Variants in GPATCH2 observed in about 807,000 individuals in gnomAD.
GPATCH2 encodes the protein G patch domain-containing protein 2.
GPATCH2 carries 51 observed loss-of-function variants against 58.0 expected under a neutral mutation model. The observed-to-expected ratio is 0.88, with a 90% CI of 0.70 to 1.11. GPATCH2 has a LOEUF of 1.11. GPATCH2 is among the 50% of genes most tolerant of loss of function. GPATCH2 has a pLI of 0.00. For synonymous variants in GPATCH2, 222 were observed against 218.5 expected, an observed-to-expected ratio of 1.02 and a Z score of -0.14; for missense variants, 625 against 652.2, an observed-to-expected ratio of 0.96 and a Z score of 0.45.
chr1:217,553,090 C>G (rs547047573), intron 5 of GPATCH2, among the ~76,000 whole-genome samples: 6 of 151,782 alleles, frequency 4.0e-5, no homozygotes, highest in East Asian at 3.9e-4. Flanking sequence ...GGGGAAACAC[C>G]AAATCTAGAA....
chr1:217,609,677 T>A (rs1031437065), intron 5 of GPATCH2: 1 of 971,682 alleles, frequency 1.0e-6, no homozygotes, highest in South Asian at 4.8e-5. Context: ...ATATTTTAAA[T>A]AATGCTGGTT....
chr1:217,622,862 C>T (rs1299133044), intron 1 of GPATCH2, among the ~76,000 whole-genome samples: 1 of 152,070 alleles, frequency 6.6e-6, no homozygotes, highest in East Asian at 1.9e-4. Context: ...GGATTTAGAA[C>T]ATTGAATTTG....
intron 5 of GPATCH2, among the ~76,000 whole-genome samples, chr1:217,525,815 C>T (rs1571863084): frequency 6.6e-6 from 1 of 152,034 alleles, no homozygotes; most frequent in South Asian, 2.1e-4. Flanking sequence ...ATTAATATAG[C>T]TTTTTGAAAA....
intron 5 of GPATCH2, among the ~76,000 whole-genome samples, chr1:217,581,950 G>T (rs931773646): frequency 7.2e-6 from 1 of 139,236 alleles, no homozygotes; most frequent in Non-Finnish European, 1.5e-5. Context: ...GACTCCGTCT[G>T]GGGGGAAGAA....
intron 5 of GPATCH2, among the ~76,000 whole-genome samples, chr1:217,606,749 G>A (rs1668378984): frequency 6.6e-6 from 1 of 151,712 alleles, no homozygotes; most frequent in Non-Finnish European, 1.5e-5. Context: ...CAAAAAAAAA[G>A]AAATACCAGA....
intron 9 of GPATCH2, among the ~76,000 whole-genome samples, chr1:217,444,888 C>T (rs1017134711): frequency 6.6e-6 from 1 of 152,078 alleles, no homozygotes; most frequent in Non-Finnish European, 1.5e-5. Context: ...CTTGGTTGCA[C>T]CACACATTTC....
intron 5 of GPATCH2, among the ~76,000 whole-genome samples, chr1:217,523,806 ACC>A: frequency 7.6e-6 from 1 of 131,724 alleles, no homozygotes; most frequent in Non-Finnish European, 1.6e-5. Context: ...TGGGGGGCTG[ACC>A]CCCCCACCTC....
chr1:217,517,632 A>T (rs887674148), intron 5 of GPATCH2, among the ~76,000 whole-genome samples: 3 of 152,128 alleles, frequency 2.0e-5, no homozygotes, highest in Non-Finnish European at 4.4e-5. Flanking sequence ...TTAATTCAAG[A>T]TAGAAAATAA....
chr1:217,446,623 A>C (rs771467980), intron 9 of GPATCH2, among the ~76,000 whole-genome samples: 1 of 152,144 alleles, frequency 6.6e-6, no homozygotes, highest in African/African-American at 2.4e-5. Context: ...CTCCTGCTCC[A>C]CTACTTTTTG....
intron 1 of GPATCH2, among the ~76,000 whole-genome samples, chr1:217,630,325 T>C (rs530295957): frequency 6.6e-6 from 1 of 152,296 alleles, no homozygotes; most frequent in African/African-American, 2.4e-5. Flanking sequence ...TATTCTAACA[T>C]GATACCATAG....
At chr1:217,619,010 C>A (rs1475990223) in intron 2 of GPATCH2, among the ~76,000 whole-genome samples, 1 of 151,558 alleles carries the variant, frequency 6.6e-6, no homozygotes, top group Non-Finnish European at 1.5e-5. Flanking sequence ...ATCAATTACT[C>A]TTTCTCAGGC....
rs149962047 is a variant in GPATCH2, at chr1:217,548,937, C to T, written c.1099-34048G>A. Among the ~76,000 whole-genome samples the T allele has an allele frequency of 4.6e-3, 701 of 152,262 alleles. 2 individuals carry two copies. Among genetic ancestry groups the T allele is most frequent in the Non-Finnish European group, 5.6e-3 (378 of 68,012 alleles). ...AGTCTCGGGTATTTCTTCACAGCTG[C>T]ATGAAAACAGACTAATACATGGGGA... On this transcript the variant is annotated intron_variant, in intron 5 of 9. Transcript: ENST00000366935.
intron 6 of GPATCH2, among the ~76,000 whole-genome samples, chr1:217,510,525 A>C (rs1238658585): frequency 6.6e-6 from 1 of 151,732 alleles, no homozygotes; most frequent in African/African-American, 2.4e-5. Flanking sequence ...CAGTAAACAC[A>C]AAAATAAAAT....
chr1:217,623,200 A>G (rs1669286101), intron 1 of GPATCH2, among the ~76,000 whole-genome samples: 1 of 152,106 alleles, frequency 6.6e-6, no homozygotes, highest in Non-Finnish European at 1.5e-5. Context: ...CTTGGAAGAC[A>G]GTTTTCTTAT....
In GPATCH2 at chr1:217,449,316, T is replaced by A. The variant is rs377636046; in HGVS notation, c.1299A>T (p.Gly433=). 1.1e-5 allele frequency: 17 copies of A among 1,601,690 alleles called. No homozygotes were observed. The highest frequency in any genetic ancestry group is 1.3e-5 in the African/African-American group (1 of 74,638). ...TASRQTSMHL[G]SLCTGDIKRR... is the part of the protein sequence containing the mutation. ...GTTTGATATCTCCCGTGCATAAGGA[T>A]CCTAAATGCATGCTTGTTTGCCTAC... The change falls in exon 9 of 10, where the codon GGA becomes GGT. Residue 433 remains glycine, a synonymous_variant. Transcript: ENST00000366935.
chr1:217,514,141 G>A (rs12135514), intron 6 of GPATCH2, among the ~76,000 whole-genome samples: 86,432 of 149,716 alleles, frequency 0.58, 26,099 homozygotes, highest in East Asian at 0.84. Flanking sequence ...CGCAAAAAAA[G>A]CAAAACAGTC....
intron 5 of GPATCH2, among the ~76,000 whole-genome samples, chr1:217,518,940 G>T (rs1288083218): frequency 1.3e-5 from 2 of 152,180 alleles, no homozygotes; most frequent in African/African-American, 2.4e-5. Context: ...CAGGCTGTCG[G>T]GAGGCACTGC....
intron 8 of GPATCH2, among the ~76,000 whole-genome samples, chr1:217,457,002 T>C (rs866176330): frequency 6.6e-6 from 1 of 152,218 alleles, no homozygotes; most frequent in Non-Finnish European, 1.5e-5. Flanking sequence ...ACCCTTCTCA[T>C]TATTAATATT....
intron 9 of GPATCH2, among the ~76,000 whole-genome samples, chr1:217,440,400 A>G (rs1659078155): frequency 6.6e-6 from 1 of 152,184 alleles, no homozygotes; most frequent in South Asian, 2.1e-4. Context: ...CCCACAGCCA[A>G]TATCATACTG....
Sources: allele counts gnomAD v4.1 joint callset (sites outside exome capture counted in the v4.1 genomes callset), GRCh38; gene constraint gnomAD v4.1.1; transcripts MANE v1.5; gene names NCBI Gene and HGNC (gene_info 2026-07-23, HGNC 2026-07-21).